BLTP3B: variants seen among roughly 807,000 people sequenced by gnomAD.
The protein encoded by BLTP3B is bridge-like lipid transfer protein family member 3B, also known as UHRF1 (ICBP90) binding protein 1-like.
At chr12:100,086,338 C>T in the BLTP3B span, 2 of 1,520,818 alleles carry the variant, frequency 1.3e-6, no homozygotes, top group Non-Finnish European at 1.8e-6. Flanking sequence ...ATTGCCCCTC[C>T]AGTAATACGT....
the BLTP3B span, among the ~76,000 whole-genome samples, chr12:100,136,208 C>G: frequency 3.2e-5 from 4 of 123,968 alleles, no homozygotes; most frequent in Non-Finnish European, 4.8e-5. Context: ...GAGACTCTGT[C>G]TCAAAAAAAA....
the BLTP3B span, among the ~76,000 whole-genome samples, chr12:100,084,877 T>C: frequency 3.9e-5 from 6 of 152,178 alleles, no homozygotes; most frequent in Non-Finnish European, 5.9e-5. Context: ...AGTTTCTATC[T>C]AGTACCCATT....
At chr12:100,094,108 G>A in the BLTP3B span, among the ~76,000 whole-genome samples, 1 of 152,050 alleles carries the variant, frequency 6.6e-6, no homozygotes, top group African/African-American at 2.4e-5. Flanking sequence ...CAATGATTTG[G>A]GGATTTGTTT....
At chr12:100,067,711 A>G in the BLTP3B span, among the ~76,000 whole-genome samples, 1 of 152,160 alleles carries the variant, frequency 6.6e-6, no homozygotes, top group African/African-American at 2.4e-5. Flanking sequence ...TACCAACAAA[A>G]AAAAGTCCAG....
chr12:100,119,905 C>A, the BLTP3B span, among the ~76,000 whole-genome samples: 1 of 152,210 alleles, frequency 6.6e-6, no homozygotes, highest in African/African-American at 2.4e-5. Context: ...ATGCACAAAT[C>A]ATAGGAGAAA....
At chr12:100,089,155 A>C in the BLTP3B span, 2 of 1,356,988 alleles carry the variant, frequency 1.5e-6, no homozygotes, top group African/African-American at 1.5e-5. Flanking sequence ...TTTCACACAA[A>C]AATCTAAGTA....
chr12:100,121,367 A>C, the BLTP3B span, among the ~76,000 whole-genome samples: 883 of 147,426 alleles, frequency 6.0e-3, 10 homozygotes, highest in African/African-American at 0.021. Context: ...AAAAAAAAAA[A>C]AAAAAACAGA....
the BLTP3B span, among the ~76,000 whole-genome samples, chr12:100,116,957 T>G: frequency 6.6e-6 from 1 of 152,198 alleles, no homozygotes; most frequent in Middle Eastern, 3.4e-3. Context: ...AAGAAAGAAT[T>G]ACCAATAGCC....
At chr12:100,092,573 T>C in the BLTP3B span, 1 of 152,210 alleles carries the variant, frequency 6.6e-6, no homozygotes, top group African/African-American at 2.4e-5. Flanking sequence ...TACCTCAAAA[T>C]GGTAGCACAG....
At chr12:100,129,574 C>CA in the BLTP3B span, among the ~76,000 whole-genome samples, 1 of 152,010 alleles carries the variant, frequency 6.6e-6, no homozygotes, top group African/African-American at 2.4e-5. Context: ...ACACAATTAA[C>CA]AAAAAACAAG....
the BLTP3B span, among the ~76,000 whole-genome samples, chr12:100,043,755 A>G: frequency 6.6e-6 from 1 of 152,150 alleles, no homozygotes; most frequent in African/African-American, 2.4e-5. Context: ...ATTTTAGTCT[A>G]TATGCAAACC....
At chr12:100,052,790 GT>G in the BLTP3B span, among the ~76,000 whole-genome samples, 167 of 114,316 alleles carry the variant, frequency 1.5e-3, no homozygotes, top group East Asian at 2.3e-3. Context: ...TTTCTTTTCT[GT>G]TTTTTTTTTT....
the BLTP3B span, chr12:100,060,135 C>CCTG: frequency 1.9e-6 from 2 of 1,030,706 alleles, no homozygotes; most frequent in South Asian, 4.7e-5. Context: ...CAGTTTTATT[C>CCTG]TTTCTTAAGA....
the BLTP3B span, among the ~76,000 whole-genome samples, chr12:100,079,807 G>A: frequency 0.014 from 2,090 of 152,320 alleles, 19 homozygotes; most frequent in Non-Finnish European, 0.021. Context: ...GGTTTCATGG[G>A]CCAGGCCCAG....
At chr12:100,045,988 C>T in the BLTP3B span, among the ~76,000 whole-genome samples, 6 of 152,204 alleles carry the variant, frequency 3.9e-5, no homozygotes, top group African/African-American at 9.7e-5. Context: ...CACATCATCA[C>T]TGGTCATCAC....
the BLTP3B span, chr12:100,051,040 G>A: frequency 3.7e-6 from 6 of 1,601,626 alleles, no homozygotes; most frequent in South Asian, 3.4e-5. Context: ...AAAGTTGGTG[G>A]CATTTATCTT....
At chr12:100,083,595 G>A in the BLTP3B span, among the ~76,000 whole-genome samples, 1 of 151,836 alleles carries the variant, frequency 6.6e-6, no homozygotes, top group South Asian at 2.1e-4. Flanking sequence ...ACTAATAAAT[G>A]TCTGAGGTGA....
the BLTP3B span, chr12:100,083,104 C>T: frequency 6.2e-7 from 1 of 1,613,710 alleles, no homozygotes; most frequent in Non-Finnish European, 8.5e-7. Context: ...TGAAGGTGTT[C>T]TGCATGTCCC....
At chr12:100,089,235 A>C in the BLTP3B span, 1 of 748,492 alleles carries the variant, frequency 1.3e-6, no homozygotes, top group Non-Finnish European at 1.9e-6. Context: ...ATTTTCCCTA[A>C]AATATTTTCT....
Sources: gnomAD v4.1 joint callset for allele counts (sites outside exome capture counted in the v4.1 genomes callset) on GRCh38, gnomAD v4.1.1 for gene constraint, MANE v1.5 for transcripts, NCBI Gene and HGNC (gene_info 2026-07-23, HGNC 2026-07-21) for gene names.